INSL6: variants seen among roughly 807,000 people sequenced by gnomAD.
INSL6 encodes insulin-like peptide INSL6.
Under a neutral mutation model 9.4 loss-of-function variants are expected in INSL6, and 16 were observed. The ratio of observed to expected loss-of-function variants is 1.70; its 90% CI spans 1.15 to 2.59. INSL6 has a LOEUF of 2.59. Among genes scored for constraint, INSL6 ranks in the 30% most tolerant of loss-of-function variants. The pLI is 0.00. For synonymous variants in INSL6, 154 were observed against 96.9 expected (o/e 1.59, Z -3.46); for missense variants, 391 against 257.3 (o/e 1.52, Z -3.56).
intron 3 of INSL6, among the ~76,000 whole-genome samples, chr9:5,133,030 A>T (rs865810884): frequency 1.3e-5 from 2 of 152,220 alleles, no homozygotes; most frequent in African/African-American, 4.8e-5. Flanking sequence ...GGAATTTCAT[A>T]TATTCTTTCT....
At chr9:5,000,577 A>G in the INSL6 span, among the ~76,000 whole-genome samples, 14 of 152,184 alleles carry the variant, frequency 9.2e-5, no homozygotes, top group African/African-American at 2.9e-4. Flanking sequence ...AGGCTTTGTT[A>G]TGCCAACTTT....
rs533921036 is a variant in INSL6 at position 5,141,948 on chromosome 9, C to T, written c.377-8356G>A. 7.9e-5 allele frequency among the ~76,000 whole-genome samples: 12 copies of T among 152,218 alleles called. No homozygotes were observed. The South Asian group carries it at 2.1e-3, about 26-fold the overall frequency. ...AATCTGCATATGGCTAGCAAGTTAT[C>T]CCAGGAGGATTTATTGAATAGGTAA... is the stretch of plus-strand genomic sequence containing the variant. On this transcript the variant is annotated intron_variant, in intron 2 of 3. Coordinates refer to the INSL6 transcript ENST00000649639.
chr9:5,098,374 G>A, the INSL6 span: 7 of 152,088 alleles, frequency 4.6e-5, no homozygotes, highest in African/African-American at 7.2e-5. Flanking sequence ...CCTTCAAGAC[G>A]CTACATCCCC....
the INSL6 span, among the ~76,000 whole-genome samples, chr9:5,036,166 C>A: frequency 1.3e-5 from 2 of 152,152 alleles, no homozygotes; most frequent in Non-Finnish European, 2.9e-5. Flanking sequence ...ATCCAACTTA[C>A]AAGGGATGTG....
rs111423445 is a variant in INSL6 at position 5,129,059 on chromosome 9, A to C, written c.*10+4366T>G. On this transcript the variant is annotated intron_variant, in intron 3 of 3. Coordinates refer to the INSL6 transcript ENST00000649639. The stretch of plus-strand genomic sequence containing the variant: ...ATTTGCTATGGAAGAGTGTTCTTTT[A>C]ACCTAAGGCTTCTAGTTTACAGTCA... Among the ~76,000 whole-genome samples the C allele has an allele frequency of 1.3e-3, 202 of 152,064 alleles. 2 individuals carry two copies. Among genetic ancestry groups the C allele is most frequent in the African/African-American group, 4.8e-3 (198 of 41,526 alleles).
downstream of INSL6, among the ~76,000 whole-genome samples, chr9:5,162,692 C>G (rs369170749): frequency 6.6e-6 from 1 of 152,052 alleles, no homozygotes; most frequent in East Asian, 1.9e-4. Context: ...CAGACTGTAC[C>G]CTGAAACTGA....
chr9:5,072,567 C>A, the INSL6 span: 1 of 1,611,076 alleles, frequency 6.2e-7, no homozygotes, highest in East Asian at 2.2e-5. Flanking sequence ...CTACGGTCAA[C>A]TGCATGAAAC....
the INSL6 span, among the ~76,000 whole-genome samples, chr9:5,105,356 G>C: frequency 6.6e-6 from 1 of 152,146 alleles, no homozygotes; most frequent in Non-Finnish European, 1.5e-5. Flanking sequence ...CAAGAGATGC[G>C]AAGGACCTCT....
chr9:5,157,091 C>T lies in INSL6; in HGVS notation c.376+7088G>A, dbSNP rs142664207. ...GTATTATAACTGTACATTAAAACTACAAAATATTGCTGAAATTAAAGAAGA... is the reference window on the plus strand; with the variant it reads ...GTATTATAACTGTACATTAAAACTATAAAATATTGCTGAAATTAAAGAAGA... On this transcript the variant is annotated intron_variant, in intron 2 of 3. Coordinates refer to the INSL6 transcript ENST00000649639. Among the ~76,000 whole-genome samples the T allele has an allele frequency of 4.4e-3, 673 of 152,070 alleles. 6 individuals carry two copies. Among genetic ancestry groups the T allele is most frequent in the African/African-American group, 0.016 (645 of 41,474 alleles).
intron 3 of INSL6, among the ~76,000 whole-genome samples, chr9:5,133,152 A>G (rs1824323420): frequency 6.6e-6 from 1 of 150,512 alleles, no homozygotes; most frequent in South Asian, 2.1e-4. Context: ...ACAGATATGC[A>G]GTGATATTAG....
At chr9:5,040,435 A>G in the INSL6 span, among the ~76,000 whole-genome samples, 1 of 152,208 alleles carries the variant, frequency 6.6e-6, no homozygotes, top group Non-Finnish European at 1.5e-5. Context: ...CAAGTGACAA[A>G]AGAAAAATAG....
At position 5,165,439 on chromosome 9, in the gene INSL6, T is replaced by G. The variant is rs562449299; in HGVS notation, c.290-1174A>C. Among the ~76,000 whole-genome samples the G allele has an allele frequency of 6.6e-5, 10 of 152,276 alleles. No individual in the cohort carries two copies. In the East Asian group the frequency reaches 1.5e-3, roughly 23 times the overall value. The stretch of plus-strand genomic sequence containing the variant: ...ATTTTCCCACATCCCCATCAAAACT[T>G]GACATTTTCCATTTTTTGATTATCA... On this transcript the variant is annotated intron_variant, in intron 1 of 1. Transcript: ENST00000381641.
chr9:5,013,991 G>A, the INSL6 span, among the ~76,000 whole-genome samples: 2 of 151,998 alleles, frequency 1.3e-5, no homozygotes, highest in Admixed American at 6.6e-5. Context: ...CTAATCTACT[G>A]CATTACTTCT....
At chr9:5,027,022 A>G in the INSL6 span, among the ~76,000 whole-genome samples, 1 of 152,222 alleles carries the variant, frequency 6.6e-6, no homozygotes, top group Non-Finnish European at 1.5e-5. Flanking sequence ...TTTGATACCT[A>G]TTAATTAAAA....
At chr9:5,172,967 A>G (rs1351447981) in intron 1 of INSL6, among the ~76,000 whole-genome samples, 1 of 152,176 alleles carries the variant, frequency 6.6e-6, no homozygotes, top group East Asian at 1.9e-4. Flanking sequence ...ACATGAAAAG[A>G]CATTTCTTAA....
At chr9:5,147,879 T>A (rs1824632455) in intron 2 of INSL6, among the ~76,000 whole-genome samples, 1 of 152,236 alleles carries the variant, frequency 6.6e-6, no homozygotes, top group East Asian at 1.9e-4. Context: ...AGTGAACTTT[T>A]CTCCTCAATA....
chr9:5,098,620 C>T, the INSL6 span: 1 of 152,068 alleles, frequency 6.6e-6, no homozygotes, highest in Non-Finnish European at 1.5e-5. Context: ...TAATCCTTCC[C>T]TTACTGTCAA....
chr9:5,150,765 C>A (rs1824695223), intron 2 of INSL6, among the ~76,000 whole-genome samples: 1 of 151,734 alleles, frequency 6.6e-6, no homozygotes, highest in Non-Finnish European at 1.5e-5. Flanking sequence ...CCTGTATTTG[C>A]ATGTTTAAAG....
the INSL6 span, among the ~76,000 whole-genome samples, chr9:5,107,044 C>T: frequency 1.1e-4 from 16 of 152,142 alleles, no homozygotes; most frequent in African/African-American, 3.4e-4. Flanking sequence ...AATATATATA[C>T]ATCACTTTAC....
Sources: allele counts gnomAD v4.1 joint callset (sites outside exome capture counted in the v4.1 genomes callset), GRCh38; gene constraint gnomAD v4.1.1; transcripts MANE v1.5; gene names NCBI Gene and HGNC (gene_info 2026-07-23, HGNC 2026-07-21).